THRB: variants seen among roughly 807,000 people sequenced by gnomAD.
THRB encodes nuclear receptor subfamily 1 group A member 2.
THRB carries 12 observed loss-of-function variants against 47.8 expected under a neutral mutation model. The observed-to-expected ratio is 0.25, with a 90% CI of 0.16 to 0.41. The LOEUF (loss-of-function observed/expected upper bound fraction) is 0.41. THRB is among the 10% of genes least tolerant of loss of function. THRB has a pLI of 1.00. For missense variants in THRB, 348 were observed against 589.2 expected (o/e 0.59, Z 4.24); for synonymous variants, 218 against 212.2 (o/e 1.03, Z -0.24).
intron 1 of THRB, among the ~76,000 whole-genome samples, chr3:24,491,631 A>G (rs58388581): frequency 0.069 from 10,534 of 152,264 alleles, 663 homozygotes; most frequent in African/African-American, 0.17. Flanking sequence ...TTGCCCCCTC[A>G]CCAACCACCA....
chr3:24,119,688 CTGGGCTG>C lies in THRB; in HGVS notation c.*3189_*3195del, dbSNP rs2031303270. On this transcript the variant is annotated 3_prime_UTR_variant, in exon 11 of 11. Coordinates refer to ENST00000646209, the MANE Select transcript of THRB (RefSeq NM_001354712.2). ...CCCGGGGCACAGGTGAGGGGCTTCG[CTGGGCTG>C]AGGCATCAACAGGTCAAGCGCGTCA... 2.0e-5 allele frequency: 3 copies of C among 152,428 alleles called. No individual in the cohort carries two copies. The highest frequency in any genetic ancestry group is 7.2e-5 in the African/African-American group (3 of 41,572). 9.4% of individuals were successfully genotyped at this position (152,428 alleles called of 1,614,324 possible).
At chr3:24,389,618 G>A (rs1259122861) in intron 1 of THRB, among the ~76,000 whole-genome samples, 1 of 152,098 alleles carries the variant, frequency 6.6e-6, no homozygotes, top group Admixed American at 6.5e-5. Context: ...CTAATGGAAT[G>A]CAAAATGTAA....
chr3:24,332,379 C>T (rs2061982181), intron 2 of THRB, among the ~76,000 whole-genome samples: 1 of 152,170 alleles, frequency 6.6e-6, no homozygotes, highest in South Asian at 2.1e-4. Context: ...AAAAAATAAA[C>T]CTTTGTCTGT....
rs11389687 is a variant in THRB, at chr3:24,366,621, C to CTT, written c.-260-29252_-260-29251dup. Among the ~76,000 whole-genome samples the CTT allele has an allele frequency of 6.2e-3, 775 of 125,806 alleles. 9 individuals carry two copies. Among genetic ancestry groups the CTT allele is most frequent in the Non-Finnish European group, 8.3e-3 (509 of 61,102 alleles). 82.5% of individuals were successfully genotyped at this position (125,806 alleles called of 152,430 possible). A position where few individuals can be genotyped will look rare whatever the true frequency, so the allele number is the denominator to read the frequency against. On this transcript the variant is annotated intron_variant, in intron 1 of 10. Transcript: ENST00000646209. ...TCTGTGACTATAGCACAGCCTCTCA[C>CTT]TTTTTTTTTTTTTTTTTTGAGAAGG...
chr3:24,293,174 C>A (rs1409234110), intron 3 of THRB, among the ~76,000 whole-genome samples: 1 of 152,118 alleles, frequency 6.6e-6, no homozygotes, highest in Admixed American at 6.5e-5. Flanking sequence ...GAAAGGGTAT[C>A]ACGACTTCTA....
At chr3:24,196,581 G>A (rs2043978027) in intron 4 of THRB, among the ~76,000 whole-genome samples, 2 of 151,974 alleles carry the variant, frequency 1.3e-5, no homozygotes, top group South Asian at 4.1e-4. Context: ...GATTTTTAAA[G>A]AGCATTCCCC....
intron 1 of THRB, among the ~76,000 whole-genome samples, chr3:24,433,060 C>G (rs4273319): frequency 0.94 from 142,331 of 152,128 alleles, 66,770 homozygotes; most frequent in Non-Finnish European, 0.97. Context: ...CTCAGTTCCA[C>G]AGATAAAGAA....
At chr3:24,221,404 G>GA (rs1420260570) in intron 4 of THRB, among the ~76,000 whole-genome samples, 3 of 152,158 alleles carry the variant, frequency 2.0e-5, no homozygotes, top group African/African-American at 4.8e-5. Flanking sequence ...TGACTGTTAG[G>GA]AAAAAAGTTA....
At position 24,473,234 on chromosome 3, in the gene THRB, TG is replaced by T. The variant is rs71622773; in HGVS notation, c.-261+21417del. Among the ~76,000 whole-genome samples the T allele has an allele frequency of 1.4e-3, 213 of 152,376 alleles. 1 individual carries two copies. The highest frequency in any genetic ancestry group is 2.4e-3 in the Admixed American group (36 of 15,300). ...GTTCTTCTAAAAGTTTCAACCATTTTGGCATATCAATTTTTAAAATACGATT... is the reference window on the plus strand; with the variant it reads ...GTTCTTCTAAAAGTTTCAACCATTTTGCATATCAATTTTTAAAATACGATT... On this transcript the variant is annotated intron_variant, in intron 1 of 10. Coordinates refer to ENST00000646209, the MANE Select transcript of THRB (RefSeq NM_001354712.2).
At chr3:24,346,099 C>T (rs534485861) in intron 1 of THRB, among the ~76,000 whole-genome samples, 9 of 152,054 alleles carry the variant, frequency 5.9e-5, no homozygotes, top group East Asian at 3.9e-4. Flanking sequence ...ATGGTAAATA[C>T]GCAGTAAATC....
chr3:24,470,538 A>G (rs534825254), intron 1 of THRB, among the ~76,000 whole-genome samples: 3 of 152,346 alleles, frequency 2.0e-5, no homozygotes, highest in Non-Finnish European at 2.9e-5. Flanking sequence ...CTGGTACTTA[A>G]TAAGCCCCAT....
At chr3:24,409,376 A>G (rs2068090015) in intron 1 of THRB, among the ~76,000 whole-genome samples, 1 of 151,854 alleles carries the variant, frequency 6.6e-6, no homozygotes, top group Non-Finnish European at 1.5e-5. Context: ...GGAAATAAAA[A>G]ATAATGCAAA....
Position 24,117,896 on chromosome 3 carries a change from A to G in THRB, c.*4988T>C, listed in dbSNP as rs1349265. The G allele has an allele frequency of 0.53, 80,771 of 152,144 alleles. 24,969 individuals are homozygous for G. The highest frequency in any genetic ancestry group is 0.7 in the Non-Finnish European group (47,257 of 67,976). The allele number at this position is 152,144 out of a possible 1,614,324, so 9.4% of individuals were successfully genotyped here. A position where few individuals can be genotyped will look rare whatever the true frequency, so the allele number is the denominator to read the frequency against. ...TGGCAGCTGATGTTAACATAATTCC[A>G]TTAGTAATATTCCTGAATAATTTGA... On this transcript the variant is annotated 3_prime_UTR_variant, in exon 11 of 11. Coordinates refer to ENST00000646209, the MANE Select transcript of THRB (RefSeq NM_001354712.2).
In THRB at chr3:24,269,444, T is replaced by C. The variant is rs551744481; in HGVS notation, c.-43+27782A>G. On this transcript the variant is annotated intron_variant, in intron 3 of 10. Coordinates refer to ENST00000646209, the MANE Select transcript of THRB (RefSeq NM_001354712.2). ...ACACACACACACACACACACACACTTAAGTTATCTTCGCTGTGTTGTCCAG... is the reference window on the plus strand; with the variant it reads ...ACACACACACACACACACACACACTCAAGTTATCTTCGCTGTGTTGTCCAG... 5.5e-4 allele frequency among the ~76,000 whole-genome samples: 75 copies of C among 136,094 alleles called. 1 individual carries two copies. Among genetic ancestry groups the C allele is most frequent in the African/African-American group, 2.2e-3 (71 of 31,934 alleles). The allele number at this position is 136,094 out of a possible 152,430, so 89.3% of individuals were successfully genotyped here.
Position 24,123,076 on chromosome 3 carries a change from A to C in THRB, c.1194T>G (p.Ser398Arg). The C allele has an allele frequency of 6.2e-7, 1 of 1,614,170 alleles. No individual in the cohort carries two copies. The highest frequency in any genetic ancestry group is 1.3e-5 in the African/African-American group (1 of 75,034). The part of the protein sequence containing the change: ...CVERIEKYQD[S>R]FLLAFEHYIN... ...TATAGTGTTCAAAGGCCAGCAGGAA[A>C]CTATCTTGGTACTTTTCTATTCTCT... The change falls in exon 11 of 11, where the codon AGT becomes AGG. Residue 398 changes from serine to arginine, a missense_variant. Ser to Arg is a moderately radical substitution (Grantham distance 110, BLOSUM62 -1). Transcript: ENST00000646209.
At chr3:24,286,425 C>T (rs1208807643) in intron 3 of THRB, among the ~76,000 whole-genome samples, 2 of 152,208 alleles carry the variant, frequency 1.3e-5, no homozygotes, top group Non-Finnish European at 2.9e-5. Context: ...TCCATTTCTT[C>T]ACCGTTCAAC....
At position 24,431,265 on chromosome 3, in the gene THRB, C is replaced by CTCT. The variant is rs769689940; in HGVS notation, c.-261+63386_-261+63387insAGA. 6.1e-3 allele frequency among the ~76,000 whole-genome samples: 656 copies of CTCT among 107,300 alleles called. 7 individuals carry two copies. Among genetic ancestry groups the CTCT allele is most frequent in the Non-Finnish European group, 8.0e-3 (396 of 49,666 alleles). 70.4% of individuals were successfully genotyped at this position (107,300 alleles called of 152,430 possible). A position where few individuals can be genotyped will look rare whatever the true frequency, so the allele number is the denominator to read the frequency against. Reference sequence around the variant, plus strand: ...CAGTCTCTCTCTCTCTCTCTCTACACACACACACACACACACACACACACA... The same window carrying CTCT: ...CAGTCTCTCTCTCTCTCTCTCTACACTCTACACACACACACACACACACACACA... On this transcript the variant is annotated intron_variant, in intron 1 of 10. Coordinates refer to ENST00000646209, the MANE Select transcript of THRB (RefSeq NM_001354712.2).
intron 3 of THRB, among the ~76,000 whole-genome samples, chr3:24,240,457 T>C (rs1239168521): frequency 1.3e-5 from 2 of 152,196 alleles, no homozygotes; most frequent in African/African-American, 2.4e-5. Flanking sequence ...CACTGGAAAT[T>C]ACACGGATGC....
At chr3:24,130,972 A>G (rs1424218193) in intron 9 of THRB, among the ~76,000 whole-genome samples, 2 of 152,208 alleles carry the variant, frequency 1.3e-5, no homozygotes, top group South Asian at 2.1e-4. Context: ...TGTAAACGCT[A>G]TGTCCTCCCA....
Sources: gnomAD v4.1 joint callset for allele counts (sites outside exome capture counted in the v4.1 genomes callset) on GRCh38, gnomAD v4.1.1 for gene constraint, MANE v1.5 for transcripts, NCBI Gene and HGNC (gene_info 2026-07-23, HGNC 2026-07-21) for gene names.